CFTR: variants seen among roughly 807,000 people sequenced by gnomAD.
CFTR encodes the protein cystic fibrosis transmembrane conductance regulator.
CFTR carries 181 observed loss-of-function variants against 171.6 expected under a neutral mutation model. The ratio of observed to expected loss-of-function variants is 1.05; its 90% confidence interval spans 0.93 to 1.19. The LOEUF (loss-of-function observed/expected upper bound fraction) is 1.19, where lower values mean the gene tolerates loss of function less well. Among genes scored for constraint, CFTR ranks in the 50% most tolerant of loss-of-function variants. CFTR has a pLI of 0.00. For synonymous variants in CFTR, 583 were observed against 608.0 expected (o/e 0.96, Z 0.60); for missense variants, 1,968 against 1,734.7 (o/e 1.13, Z -2.39).
At chr7:117,648,443 C>T (rs984470523) in intron 23 of CFTR, among the ~76,000 whole-genome samples, 2 of 151,948 alleles carry the variant, frequency 1.3e-5, no homozygotes, top group African/African-American at 4.8e-5. Context: ...GGTTTGTCAC[C>T]GGGTGAGTAA....
intron 23 of CFTR, among the ~76,000 whole-genome samples, chr7:117,649,229 T>C (rs1265398149): frequency 6.6e-6 from 1 of 151,344 alleles, no homozygotes; most frequent in Non-Finnish European, 1.5e-5. Flanking sequence ...CTTTAAAGAT[T>C]GTGATACTGA....
intron 11 of CFTR, chr7:117,564,784 G>A (rs1791574289): frequency 6.0e-6 from 1 of 166,446 alleles, no homozygotes; most frequent in Non-Finnish European, 1.5e-5. Flanking sequence ...ATAGGAGCAG[G>A]CAGGTAAGTG....
chr7:117,651,732 G>T (rs1160096743), intron 23 of CFTR, among the ~76,000 whole-genome samples: 1 of 152,092 alleles, frequency 6.6e-6, no homozygotes, highest in Non-Finnish European at 1.5e-5. Context: ...ATGCCCCGGG[G>T]TATGAAATTT....
intron 3 of CFTR, among the ~76,000 whole-genome samples, chr7:117,523,401 G>C (rs182560002): frequency 1.3e-5 from 2 of 148,288 alleles, no homozygotes; most frequent in East Asian, 4.0e-4. Flanking sequence ...TTTTGAGACA[G>C]AGTCTTGCTC....
In CFTR at chr7:117,611,615, C is replaced by A; in HGVS notation, c.3174C>A (p.Ser1058Arg). ...RSPIFTHLVT[S>R]LKGLWTLRAF... ...CAATTTTCACTCATCTTGTTACAAG[C>A]TTAAAAGGACTATGGACACTTCGTG... Residue 1058 changes from serine to arginine, a missense_variant, in exon 20 of 27, where the codon AGC (serine) becomes AGA (arginine). By Grantham distance (110) the Ser-to-Arg change is moderately radical. Transcript: ENST00000003084. 1 of 1,612,800 alleles carries A rather than the reference C, an allele frequency of 6.2e-7. No homozygotes were observed. The highest frequency in any genetic ancestry group is 8.5e-7 in the Non-Finnish European group (1 of 1,179,066).
At chr7:117,649,510 TATATA>T (rs1286257989) in intron 23 of CFTR, among the ~76,000 whole-genome samples, 3 of 133,964 alleles carry the variant, frequency 2.2e-5, no homozygotes, top group African/African-American at 8.5e-5. Flanking sequence ...TATATATATA[TATATA>T]TATATTTTTT....
intron 21 of CFTR, among the ~76,000 whole-genome samples, chr7:117,621,119 G>C (rs374764739): frequency 1.3e-5 from 2 of 151,956 alleles, no homozygotes; most frequent in Non-Finnish European, 2.9e-5. Flanking sequence ...CAAAACAAAA[G>C]AAAGCAAAAA....
At chr7:117,500,284 T>C (rs1361268173) in intron 1 of CFTR, among the ~76,000 whole-genome samples, 3 of 111,546 alleles carry the variant, frequency 2.7e-5, no homozygotes, top group Admixed American at 1.7e-4. Flanking sequence ...CTTTCTTTTT[T>C]TTTTTTTTTT....
chr7:117,495,510 A>C (rs1798223565), intron 1 of CFTR, among the ~76,000 whole-genome samples: 1 of 152,160 alleles, frequency 6.6e-6, no homozygotes. Flanking sequence ...CCAATGGTAC[A>C]CATTCCTTGG....
intron 22 of CFTR, among the ~76,000 whole-genome samples, chr7:117,635,981 CAA>C (rs1411867644): frequency 1.1e-4 from 16 of 152,032 alleles, no homozygotes; most frequent in Non-Finnish European, 1.9e-4. Flanking sequence ...TATGTAGATC[CAA>C]GTTTCTGACC....
intron 2 of CFTR, among the ~76,000 whole-genome samples, chr7:117,505,407 C>A (rs973130605): frequency 6.6e-6 from 1 of 152,072 alleles, no homozygotes; most frequent in African/African-American, 2.4e-5. Flanking sequence ...ATGTGAAGAC[C>A]TAGGTGGAGA....
chr7:117,613,621 T>C (rs1485909478), intron 20 of CFTR, among the ~76,000 whole-genome samples: 1 of 152,156 alleles, frequency 6.6e-6, no homozygotes. Context: ...CAGCTTAACC[T>C]TCAGAACAGT....
chr7:117,636,923 T>G (rs993448789), intron 22 of CFTR, among the ~76,000 whole-genome samples: 2 of 151,978 alleles, frequency 1.3e-5, no homozygotes, highest in African/African-American at 4.8e-5. Context: ...GTTCAAGTGA[T>G]TCTCCTCCTC....
At chr7:117,605,760 C>G (rs1371003018) in intron 17 of CFTR, among the ~76,000 whole-genome samples, 1 of 152,078 alleles carries the variant, frequency 6.6e-6, no homozygotes. Context: ...AAGAATAGAC[C>G]AGTTTGGCTG....
intron 11 of CFTR, among the ~76,000 whole-genome samples, chr7:117,559,962 T>C (rs1330332525): frequency 6.6e-6 from 1 of 152,114 alleles, no homozygotes; most frequent in Admixed American, 6.5e-5. Flanking sequence ...TGGTTATTTA[T>C]ATGGCATGCA....
At chr7:117,489,631 G>T (rs1798125354) in intron 1 of CFTR, among the ~76,000 whole-genome samples, 1 of 151,904 alleles carries the variant, frequency 6.6e-6, no homozygotes, top group Non-Finnish European at 1.5e-5. Context: ...GTAGTGACAT[G>T]CTCACTAATG....
chr7:117,568,019 A>T (rs964677276), intron 11 of CFTR, among the ~76,000 whole-genome samples: 1 of 152,152 alleles, frequency 6.6e-6, no homozygotes, highest in Non-Finnish European at 1.5e-5. Context: ...CCAGAAAGAG[A>T]ACAAAATGTA....
Position 117,627,537 on chromosome 7 carries a change from C to T in CFTR, c.3484C>T (p.Arg1162Ter), listed in dbSNP as rs74767530. ...DVDSLMRSVS[R>*]VFKFIDMPTE... is the part of the protein sequence containing the mutation. The stretch of plus-strand genomic sequence containing the variant: ...TTTATTTCAGATGCGATCTGTGAGC[C>T]GAGTCTTTAAGTTCATTGACATGCC... The change falls in exon 22 of 27, where the codon CGA (arginine) becomes TGA (stop). Residue 1162 changes from arginine to a stop codon, truncating the protein, a stop_gained. Coordinates refer to ENST00000003084, the MANE Select transcript of CFTR (RefSeq NM_000492.4). LOFTEE classifies it high-confidence loss of function. 4.6e-5 allele frequency: 74 copies of T among 1,612,928 alleles called. No homozygotes were observed. The highest frequency in any genetic ancestry group is 2.7e-4 in the South Asian group (25 of 91,052).
At chr7:117,634,586 A>G (rs1196164351) in intron 22 of CFTR, among the ~76,000 whole-genome samples, 4 of 152,082 alleles carry the variant, frequency 2.6e-5, no homozygotes, top group Non-Finnish European at 5.9e-5. Flanking sequence ...TTATGCATTC[A>G]ATGATGTAAA....
Sources: gnomAD v4.1 joint callset for allele counts (sites outside exome capture counted in the v4.1 genomes callset) on GRCh38, gnomAD v4.1.1 for gene constraint, MANE v1.5 for transcripts, NCBI Gene and HGNC (gene_info 2026-07-23, HGNC 2026-07-21) for gene names.